BMPER: variants seen among roughly 807,000 people sequenced by gnomAD.
BMPER encodes the protein BMP binding endothelial regulator.
BMPER carries 45 observed loss-of-function variants against 87.3 expected under a neutral mutation model. The ratio of observed to expected loss-of-function variants is 0.52; its 90% CI spans 0.41 to 0.66. BMPER has a LOEUF of 0.66. BMPER is among the 30% of genes least tolerant of loss of function. BMPER has a pLI of 0.00. For missense variants in BMPER, 784 were observed against 867.5 expected, an observed-to-expected ratio of 0.90 and a Z score of 1.21; for synonymous variants, 326 against 316.2, an observed-to-expected ratio of 1.03 and a Z score of -0.33.
chr7:33,972,168 G>T (rs1332504469), intron 5 of BMPER, among the ~76,000 whole-genome samples: 1 of 152,144 alleles, frequency 6.6e-6, no homozygotes, highest in Non-Finnish European at 1.5e-5. Context: ...CTCCCAAAGT[G>T]CTGGGATTAC....
chr7:34,055,344 A>G, intron 9 of BMPER, 41 bp downstream of exon 9: 10 of 1,612,424 alleles, frequency 6.2e-6, no homozygotes, highest in Non-Finnish European at 8.5e-6. Flanking sequence ...CTGTATTACT[A>G]CGCTGACAAT....
chr7:34,124,297 A>G (rs1464991128), intron 13 of BMPER, among the ~76,000 whole-genome samples: 2 of 152,134 alleles, frequency 1.3e-5, no homozygotes, highest in African/African-American at 2.4e-5. Context: ...ATTTTCTTCC[A>G]TGTATTATGT....
intron 6 of BMPER, among the ~76,000 whole-genome samples, chr7:33,990,477 CTT>C (rs1218523412): frequency 6.9e-6 from 1 of 145,372 alleles, no homozygotes; most frequent in Middle Eastern, 3.3e-3. Flanking sequence ...TATCCTGAGA[CTT>C]TGCTGAAGTT....
intron 2 of BMPER, among the ~76,000 whole-genome samples, chr7:33,907,728 A>T (rs549399930): frequency 6.6e-6 from 1 of 152,354 alleles, no homozygotes; most frequent in African/African-American, 2.4e-5. Flanking sequence ...TTGGTTAGAA[A>T]CTACACATTA....
At chr7:33,905,806 GT>G in intron 1 of BMPER, 60 bp downstream of exon 1, 1 of 1,493,328 alleles carries the variant, frequency 6.7e-7, no homozygotes, top group Non-Finnish European at 9.1e-7. Context: ...CCTGGGAAAG[GT>G]GGCGCTGGCT....
intron 3 of BMPER, among the ~76,000 whole-genome samples, chr7:33,960,692 G>T (rs543321954): frequency 6.6e-6 from 1 of 152,220 alleles, no homozygotes; most frequent in Non-Finnish European, 1.5e-5. Flanking sequence ...TCACTTATCT[G>T]AATAGCTCCA....
intron 5 of BMPER, 142 bp from the exon 6 acceptor site, chr7:33,974,560 T>C (rs1287117559): frequency 2.4e-6 from 2 of 839,364 alleles, no homozygotes; most frequent in South Asian, 1.4e-5. Flanking sequence ...TTCTTTTCAC[T>C]ATGCAGCAAT....
At chr7:33,926,635 G>A (rs1784368624) in intron 2 of BMPER, among the ~76,000 whole-genome samples, 1 of 152,200 alleles carries the variant, frequency 6.6e-6, no homozygotes, top group African/African-American at 2.4e-5. Context: ...ATAAATCTGT[G>A]GCTTCTCCAG....
chr7:34,130,080 A>G (rs1050996307), intron 13 of BMPER, among the ~76,000 whole-genome samples: 1 of 151,880 alleles, frequency 6.6e-6, no homozygotes, highest in Non-Finnish European at 1.5e-5. Flanking sequence ...TCTTCCTGAT[A>G]TTATGTCACC....
At chr7:33,905,767 G>GC in intron 1 of BMPER, 21 bp downstream of exon 1, 12 of 914,046 alleles carry the variant, frequency 1.3e-5, no homozygotes, top group Non-Finnish European at 1.8e-5. Context: ...GGGCGGGAGG[G>GC]ACCGGCCCTC....
chr7:33,952,734 A>C (rs371242028), intron 3 of BMPER, among the ~76,000 whole-genome samples: 1 of 152,216 alleles, frequency 6.6e-6, no homozygotes, highest in African/African-American at 2.4e-5. Flanking sequence ...TGATCAGAGA[A>C]TACTCTTGTA....
At chr7:33,946,792 A>G (rs1449113142) in intron 3 of BMPER, among the ~76,000 whole-genome samples, 2 of 152,228 alleles carry the variant, frequency 1.3e-5, no homozygotes, top group African/African-American at 2.4e-5. Context: ...ATGAAAACTC[A>G]TAGTTCAGAC....
intron 6 of BMPER, among the ~76,000 whole-genome samples, chr7:34,037,146 A>G (rs1441562129): frequency 6.6e-6 from 1 of 152,118 alleles, no homozygotes; most frequent in Non-Finnish European, 1.5e-5. Context: ...GGTCACAGTG[A>G]ACTATTATTG....
intron 6 of BMPER, among the ~76,000 whole-genome samples, chr7:34,008,642 CT>C (rs1454031000): frequency 6.6e-6 from 1 of 151,828 alleles, no homozygotes; most frequent in African/African-American, 2.4e-5. Flanking sequence ...CGTTTTAATT[CT>C]TGTAAAACTG....
intron 13 of BMPER, among the ~76,000 whole-genome samples, chr7:34,132,447 G>A (rs796088076): frequency 6.6e-6 from 1 of 151,158 alleles, no homozygotes; most frequent in Non-Finnish European, 1.5e-5. Context: ...TCCCTACCAC[G>A]CCCCAAAGGC....
At chr7:33,995,766 G>C (rs1239658728) in intron 6 of BMPER, among the ~76,000 whole-genome samples, 1 of 152,108 alleles carries the variant, frequency 6.6e-6, no homozygotes, top group Non-Finnish European at 1.5e-5. Flanking sequence ...TCCAAATGTT[G>C]TACAAAAGAG....
At position 34,062,002 on chromosome 7, in the gene BMPER, G is replaced by T; in HGVS notation, c.1033G>T (p.Gly345Cys). The change falls in exon 11 of 15, where the codon GGC becomes TGC. Residue 345 changes from glycine to cysteine, a missense_variant and splice_region_variant. By Grantham distance (159) the Gly-to-Cys change is radical. Coordinates refer to ENST00000649409, the MANE Select transcript of BMPER (RefSeq NM_001365308.1). ...TTGTATTTGTTTTTCTTCTGATTAGGGCAAAATTCTCAACAGAAAAGGATG... is the reference window on the plus strand; with the variant it reads ...TTGTATTTGTTTTTCTTCTGATTAGTGCAAAATTCTCAACAGAAAAGGATG... The part of the protein sequence containing the change: ...QCIPISSCPQ[G>C]KILNRKGCCP... 1 of 1,602,550 alleles carries T rather than the reference G, an allele frequency of 6.2e-7. No individual in the cohort carries two copies.
intron 6 of BMPER, among the ~76,000 whole-genome samples, chr7:33,983,802 G>A (rs1337182315): frequency 6.6e-6 from 1 of 152,204 alleles, no homozygotes; most frequent in Non-Finnish European, 1.5e-5. Flanking sequence ...AGTCTATGGA[G>A]TGAAGAACGA....
At chr7:33,905,359 G>GAAAAAAAAA (rs34276608), upstream of BMPER, 213 of 250,228 alleles carry the variant, frequency 8.5e-4, no homozygotes, top group East Asian at 3.7e-3. Flanking sequence ...ACTCCCTCAG[G>GAAAAAAAAA]AAAAAAAAAA....
Sources: allele counts gnomAD v4.1 joint callset (sites outside exome capture counted in the v4.1 genomes callset), GRCh38; gene constraint gnomAD v4.1.1; transcripts MANE v1.5; gene names NCBI Gene and HGNC (gene_info 2026-07-23, HGNC 2026-07-21).